The following NOS1AP variants were observed in gnomAD, a reference collection of about 807,000 sequenced individuals.
NOS1AP encodes the protein nitric oxide synthase 1 adaptor protein, also known as carboxyl-terminal PDZ ligand of neuronal nitric oxide synthase protein.
In NOS1AP, 21 loss-of-function variants were observed where a neutral mutation model predicts 56.2. The observed-to-expected ratio is 0.37, with a 90% CI of 0.26 to 0.54. The LOEUF (loss-of-function observed/expected upper bound fraction) is 0.54, where lower values mean the gene tolerates loss of function less well. Ranked by LOEUF, NOS1AP falls within the 20% of genes least tolerant of loss-of-function variation. NOS1AP has a pLI of 0.84. For missense variants in NOS1AP, 522 were observed against 657.8 expected, an observed-to-expected ratio of 0.79 and a Z score of 2.26; for synonymous variants, 270 against 274.6, an observed-to-expected ratio of 0.98 and a Z score of 0.17.
chr1:162,255,745 A>G (rs576391138), intron 2 of NOS1AP, among the ~76,000 whole-genome samples: 1 of 152,230 alleles, frequency 6.6e-6, no homozygotes, highest in African/African-American at 2.4e-5. Flanking sequence ...CTCACAAACA[A>G]GAGAAACGTT....
At chr1:162,205,072 C>T (rs997143108) in intron 2 of NOS1AP, among the ~76,000 whole-genome samples, 3 of 152,328 alleles carry the variant, frequency 2.0e-5, no homozygotes, top group Admixed American at 2.0e-4. Context: ...CCAGAAATCA[C>T]ACTGCTAATC....
intron 2 of NOS1AP, among the ~76,000 whole-genome samples, chr1:162,172,802 C>A (rs1256123422): frequency 1.3e-5 from 2 of 152,094 alleles, no homozygotes; most frequent in African/African-American, 2.4e-5. Flanking sequence ...AAATATGAAT[C>A]ATTTAAATAA....
chr1:162,255,525 TG>T (rs1654002161), intron 2 of NOS1AP, among the ~76,000 whole-genome samples: 6 of 115,646 alleles, frequency 5.2e-5, no homozygotes, highest in South Asian at 3.1e-4. Flanking sequence ...TTTTTTTTTT[TG>T]GTAAGATAGG....
At position 162,188,927 on chromosome 1, in the gene NOS1AP, G is replaced by A. The variant is rs1478170368; in HGVS notation, c.177+34451G>A. The stretch of plus-strand genomic sequence containing the variant: ...AAAATACAAAAATTAGCTGGGCACA[G>A]TGGCCTGTAGTCCCAGCTACACAGG... On this transcript the variant is annotated intron_variant, in intron 2 of 9. Transcript: ENST00000361897. This position sits in a 1 kb window ranked among gnomAD's most constrained non-coding sequence, Gnocchi z 4.0. 6.6e-6 allele frequency among the ~76,000 whole-genome samples: 1 copy of A among 152,126 alleles called. No homozygotes were observed. The highest frequency in any genetic ancestry group is 1.5e-5 in the Non-Finnish European group (1 of 68,022).
chr1:162,258,819 T>C (rs1381353479), intron 2 of NOS1AP, among the ~76,000 whole-genome samples: 1 of 152,210 alleles, frequency 6.6e-6, no homozygotes, highest in Non-Finnish European at 1.5e-5. Flanking sequence ...GGATTTATCA[T>C]CATTAAATAT....
rs74468465 is a variant in NOS1AP at position 162,260,151 on chromosome 1, G to T, written c.178-27193G>T. Among the ~76,000 whole-genome samples the T allele has an allele frequency of 5.6e-4, 85 of 152,110 alleles. No individual in the cohort carries two copies. In the East Asian group the frequency reaches 0.013, roughly 24 times the overall value. ...CTTTACCTATGAAGTTGCTAATGAG[G>T]GTCTGTTGTCAGAAACTTGAAATAT... On this transcript the variant is annotated intron_variant, in intron 2 of 9. Transcript: ENST00000361897.
chr1:162,185,224 T>C (rs1336969102), intron 2 of NOS1AP, among the ~76,000 whole-genome samples: 1 of 152,222 alleles, frequency 6.6e-6, no homozygotes, highest in Non-Finnish European at 1.5e-5. Flanking sequence ...AATCTCTCCA[T>C]CTGCAGGGCC....
At chr1:162,328,652 G>A (rs114176550) in intron 4 of NOS1AP, among the ~76,000 whole-genome samples, 1 of 152,296 alleles carries the variant, frequency 6.6e-6, no homozygotes, top group African/African-American at 2.4e-5. Flanking sequence ...TAATGACCAG[G>A]GTGTCCCAGC....
intron 2 of NOS1AP, among the ~76,000 whole-genome samples, chr1:162,168,408 A>G (rs557729495): frequency 6.6e-6 from 1 of 152,340 alleles, no homozygotes; most frequent in South Asian, 2.1e-4. Flanking sequence ...CAGTCTGCTC[A>G]GATACGAACT....
intron 2 of NOS1AP, among the ~76,000 whole-genome samples, chr1:162,264,469 C>CCTCTCCTCTCCTCTCCTCCCCTCCCCTGT (rs373124349): frequency 0.029 from 933 of 31,788 alleles, 153 homozygotes; most frequent in African/African-American, 0.04. Context: ...TCTTCTCCTC[C>CCTCTCCTCTCCTCTCCTCCCCTCCCCTGT]CCTCCCCTCC....
In NOS1AP at chr1:162,369,034, C is replaced by T. The variant is rs1013571999; in HGVS notation, c.*1567C>T. Reference sequence around the variant, plus strand: ...AGTTTTATGTTAGCCTTCCTTGGTGCATCAGGGTGTCAGTGGAAATAGGAT... The same window carrying T: ...AGTTTTATGTTAGCCTTCCTTGGTGTATCAGGGTGTCAGTGGAAATAGGAT... On this transcript the variant is annotated 3_prime_UTR_variant, in exon 10 of 10. Coordinates refer to ENST00000361897, the MANE Select transcript of NOS1AP (RefSeq NM_014697.3). 6.6e-6 allele frequency: 1 copy of T among 152,094 alleles called. No homozygotes were observed. Among genetic ancestry groups the T allele is most frequent in the Non-Finnish European group, 1.5e-5 (1 of 68,030 alleles). The allele number at this position is 152,094 out of a possible 1,614,324, so 9.4% of individuals were successfully genotyped here.
chr1:162,123,388 T>C (rs1648329056), intron 1 of NOS1AP, among the ~76,000 whole-genome samples: 1 of 152,178 alleles, frequency 6.6e-6, no homozygotes, highest in South Asian at 2.1e-4. Flanking sequence ...TCCAGGCTGG[T>C]CTCGAACTTC....
chr1:162,109,251 T>C (rs1005643069), intron 1 of NOS1AP, among the ~76,000 whole-genome samples: 1 of 152,220 alleles, frequency 6.6e-6, no homozygotes, highest in Non-Finnish European at 1.5e-5. Context: ...AGTTACAGTG[T>C]GTGAACCTTA....
At chr1:162,161,065 A>G (rs140231560) in intron 2 of NOS1AP, among the ~76,000 whole-genome samples, 1 of 152,140 alleles carries the variant, frequency 6.6e-6, no homozygotes, top group East Asian at 1.9e-4. Context: ...CTGTCTTCAC[A>G]TCTCTTTCTC....
chr1:162,267,791 A>C (rs1654470687), intron 2 of NOS1AP, among the ~76,000 whole-genome samples: 1 of 152,104 alleles, frequency 6.6e-6, no homozygotes, highest in Non-Finnish European at 1.5e-5. Context: ...TAAAATAATA[A>C]AAGAATACAA....
chr1:162,293,480 G>A (rs10919096), intron 3 of NOS1AP, among the ~76,000 whole-genome samples: 62,835 of 152,002 alleles, frequency 0.41, 15,268 homozygotes, highest in Non-Finnish European at 0.56. Flanking sequence ...TTTTTGGCAC[G>A]GTTCCAGGAA....
intron 5 of NOS1AP, 94 bp from the exon 6 acceptor site, chr1:162,343,741 T>C: frequency 1.4e-6 from 2 of 1,452,828 alleles, no homozygotes; most frequent in Non-Finnish European, 1.9e-6. Context: ...ACTTTAGATT[T>C]TTCTGTCTCT....
At chr1:162,351,800 A>T (rs890131806) in intron 6 of NOS1AP, among the ~76,000 whole-genome samples, 28 of 151,870 alleles carry the variant, frequency 1.8e-4, no homozygotes, top group African/African-American at 6.5e-4. Context: ...GCTTGTCTGT[A>T]CTCACTGTCT....
At chr1:162,224,542 A>G (rs1204633036) in intron 2 of NOS1AP, among the ~76,000 whole-genome samples, 1 of 152,164 alleles carries the variant, frequency 6.6e-6, no homozygotes, top group Non-Finnish European at 1.5e-5. Flanking sequence ...GGTCACATAG[A>G]AAGACAAGTG....
Sources: allele counts gnomAD v4.1 joint callset (sites outside exome capture counted in the v4.1 genomes callset), GRCh38; gene constraint gnomAD v4.1.1; non-coding constraint Gnocchi (gnomAD v3.1); transcripts MANE v1.5; gene names NCBI Gene and HGNC (gene_info 2026-07-23, HGNC 2026-07-21).